PLEKHG1: variants seen among roughly 807,000 people sequenced by gnomAD.
PLEKHG1 encodes pleckstrin homology domain-containing family G member 1.
In PLEKHG1, 44 loss-of-function variants were observed where a neutral mutation model predicts 100.8. The ratio of observed to expected loss-of-function variants is 0.44; its 90% CI spans 0.34 to 0.56. The LOEUF is 0.56. Ranked by LOEUF, PLEKHG1 falls within the 20% of genes least tolerant of loss-of-function variation. The pLI is 0.01. For missense variants in PLEKHG1, 1,545 were observed against 1,720.9 expected, an observed-to-expected ratio of 0.90 and a Z score of 1.81; for synonymous variants, 640 against 662.5, an observed-to-expected ratio of 0.97 and a Z score of 0.52.
chr6:150,765,514 T>G (rs62432668), intron 2 of PLEKHG1, among the ~76,000 whole-genome samples: 1 of 151,478 alleles, frequency 6.6e-6, no homozygotes, highest in Non-Finnish European at 1.5e-5. Flanking sequence ...AAAAATTTAA[T>G]GTGATATCAG....
At position 150,755,328 on chromosome 6, in the gene PLEKHG1, C is replaced by G. The variant is rs527421093; in HGVS notation, c.412-13310C>G. Among the ~76,000 whole-genome samples, 17 of 152,328 alleles carry G rather than the reference C, an allele frequency of 1.1e-4. No individual in the cohort carries two copies. The East Asian group carries it at 3.3e-3, about 29-fold the overall frequency. On this transcript the variant is annotated intron_variant, in intron 2 of 15. Coordinates refer to ENST00000358517, the Ensembl canonical transcript of PLEKHG1. Reference sequence around the variant, plus strand: ...CTCCCCTGACAATAATCTTCAGACTCTCTGCCAACGTTGATGGTTAGTAAT... The same window carrying G: ...CTCCCCTGACAATAATCTTCAGACTGTCTGCCAACGTTGATGGTTAGTAAT...
intron 3 of PLEKHG1, among the ~76,000 whole-genome samples, chr6:150,784,657 GA>G (rs1426971282): frequency 6.6e-6 from 1 of 152,030 alleles, no homozygotes; most frequent in Non-Finnish European, 1.5e-5. Context: ...AGGTCACCAA[GA>G]AAGAAATGCA....
At chr6:150,679,294 A>G (rs571074579) in intron 3 of PLEKHG1, among the ~76,000 whole-genome samples, 2 of 152,328 alleles carry the variant, frequency 1.3e-5, no homozygotes, top group East Asian at 3.9e-4. Context: ...TAAGCTCCAA[A>G]GAGATATTTA....
chr6:150,641,418 A>G (rs1778253205), intron 2 of PLEKHG1, among the ~76,000 whole-genome samples: 1 of 152,212 alleles, frequency 6.6e-6, no homozygotes, highest in African/African-American at 2.4e-5. Flanking sequence ...AGATCAGCAA[A>G]ATAACCGTGT....
chr6:150,610,503 A>AT (rs1213336608), intron 1 of PLEKHG1, among the ~76,000 whole-genome samples: 17 of 152,354 alleles, frequency 1.1e-4, no homozygotes, highest in African/African-American at 4.1e-4. Context: ...AAACAAAATA[A>AT]TTTTTCTTTT....
At chr6:150,816,350 T>C (rs1422123822) in intron 10 of PLEKHG1, among the ~76,000 whole-genome samples, 1 of 135,142 alleles carries the variant, frequency 7.4e-6, no homozygotes, top group Non-Finnish European at 1.6e-5. Flanking sequence ...TTTTTTTTTT[T>C]TTTTTTTGAG....
rs139069069 is a variant in PLEKHG1, at chr6:150,722,349, C to CT, written c.-99+1171dup. Among the ~76,000 whole-genome samples, 404 of 90,646 alleles carry CT rather than the reference C, an allele frequency of 4.5e-3. 6 individuals are homozygous for CT. The highest frequency in any genetic ancestry group is 8.5e-3 in the African/African-American group (201 of 23,764). 59.5% of individuals were successfully genotyped at this position (90,646 alleles called of 152,430 possible). On this transcript the variant is annotated intron_variant, in intron 1 of 15. Coordinates refer to ENST00000358517, the Ensembl canonical transcript of PLEKHG1. ...TCCTTTTCTTTTTTCTTTTTCTTTT[C>CT]TTTTTTTTTTTTTTTTTTTTTTGAG...
chr6:150,790,112 C>A (rs193069281), intron 4 of PLEKHG1, among the ~76,000 whole-genome samples: 44 of 152,292 alleles, frequency 2.9e-4, no homozygotes, highest in Admixed American at 9.1e-4. Context: ...CTTCCGCCTC[C>A]CAGGTTCAAG....
At chr6:150,607,279 T>C (rs1034585810) in intron 1 of PLEKHG1, among the ~76,000 whole-genome samples, 4 of 152,108 alleles carry the variant, frequency 2.6e-5, no homozygotes, top group African/African-American at 9.7e-5. Context: ...TGAGGACCCA[T>C]GGAAGAGCTG....
intron 1 of PLEKHG1, among the ~76,000 whole-genome samples, chr6:150,722,515 G>A (rs895484849): frequency 2.0e-5 from 3 of 151,632 alleles, no homozygotes; most frequent in South Asian, 2.1e-4. Flanking sequence ...CACCATGCCC[G>A]GCTAATTTTT....
chr6:150,831,949 C>G lies in PLEKHG1; in HGVS notation c.2838C>G (p.Pro946=). ...GTGAAATGCCCCTCATGGACAATCC[C>G]TACGACCTGGCCAACAGTGGCCTGT... Residue 946 remains proline, a synonymous_variant, in exon 15 of 16, where the codon CCC becomes CCG. Transcript: ENST00000358517. The surrounding 1 kb of genome is among the most constrained non-coding windows in gnomAD (Gnocchi z 4.1). The G allele has an allele frequency of 6.2e-7, 1 of 1,613,770 alleles. No homozygotes were observed. Among genetic ancestry groups the G allele is most frequent in the Non-Finnish European group, 8.5e-7 (1 of 1,179,682 alleles).
At chr6:150,731,461 T>C (rs1383561938) in intron 1 of PLEKHG1, among the ~76,000 whole-genome samples, 1 of 152,246 alleles carries the variant, frequency 6.6e-6, no homozygotes, top group Non-Finnish European at 1.5e-5. Flanking sequence ...TACTAATACT[T>C]GTCATGAATA....
At chr6:150,759,751 G>T (rs1211915045) in intron 2 of PLEKHG1, among the ~76,000 whole-genome samples, 2 of 152,116 alleles carry the variant, frequency 1.3e-5, no homozygotes, top group East Asian at 3.9e-4. Flanking sequence ...ATGCCTATAA[G>T]CCCAGCACTT....
rs117995531 is a variant in PLEKHG1, at chr6:150,710,456, C to G, written c.-98-23128C>G. On this transcript the variant is annotated intron_variant, in intron 3 of 3. Transcript: ENST00000367326. ...TAACCACACCTTTTAAGGACCCAGT[C>G]CAAGCGATGAGGCAGGAACAGAGTC... 4.1e-3 allele frequency among the ~76,000 whole-genome samples: 631 copies of G among 152,190 alleles called. 13 individuals carry two copies. The highest frequency in any genetic ancestry group is 0.036 in the East Asian group (186 of 5,164).
At chr6:150,705,754 G>A (rs1487423284) in intron 3 of PLEKHG1, among the ~76,000 whole-genome samples, 1 of 152,172 alleles carries the variant, frequency 6.6e-6, no homozygotes, top group Non-Finnish European at 1.5e-5. Context: ...AAGATATCAC[G>A]TATCAGAGGC....
chr6:150,750,045 C>A (rs548904871), intron 2 of PLEKHG1, among the ~76,000 whole-genome samples: 1 of 144,774 alleles, frequency 6.9e-6, no homozygotes, highest in South Asian at 2.1e-4. Flanking sequence ...GCACTCCAGC[C>A]TGGGTGACAG....
chr6:150,612,045 T>TTTCCCC (rs1491263507), intron 1 of PLEKHG1, among the ~76,000 whole-genome samples: 1 of 77,190 alleles, frequency 1.3e-5, no homozygotes, highest in Non-Finnish European at 2.7e-5. Context: ...CTGGTGTTGT[T>TTTCCCC]CCCCCCCCCC....
chr6:150,823,613 A>T (rs976938518), intron 13 of PLEKHG1, 41 bp from the exon 15 acceptor site: 2 of 1,449,540 alleles, frequency 1.4e-6, no homozygotes, highest in Non-Finnish European at 1.9e-6. Context: ...TAGGAGGTAC[A>T]TTTTCATTCT....
At chr6:150,703,563 T>G (rs1375923502) in intron 3 of PLEKHG1, among the ~76,000 whole-genome samples, 1 of 148,982 alleles carries the variant, frequency 6.7e-6, no homozygotes, top group East Asian at 2.0e-4. Flanking sequence ...ATTGCGCCAC[T>G]GCACTCTTGC....
Sources: allele counts gnomAD v4.1 joint callset (sites outside exome capture counted in the v4.1 genomes callset), GRCh38; gene constraint gnomAD v4.1.1; non-coding constraint Gnocchi (gnomAD v3.1); transcripts MANE v1.5; gene names NCBI Gene and HGNC (gene_info 2026-07-23, HGNC 2026-07-21).